The following ARAP2 variants were observed in gnomAD, a reference collection of about 807,000 sequenced individuals.
ARAP2 encodes arf-GAP with Rho-GAP domain, ANK repeat and PH domain-containing protein 2.
ARAP2 carries 148 observed loss-of-function variants against 194.5 expected under a neutral mutation model. The ratio of observed to expected loss-of-function variants is 0.76; its 90% CI spans 0.67 to 0.87. The LOEUF is 0.87. Among genes scored for constraint, ARAP2 ranks in the 40% least tolerant of loss-of-function variants. The pLI is 0.00. For missense variants in ARAP2, 2,128 were observed against 1,989.7 expected (o/e 1.07, Z -1.32); for synonymous variants, 695 against 683.5 (o/e 1.02, Z -0.26).
rs71201008 is a variant in ARAP2 at position 36,243,383 on chromosome 4, CAAAAAA to C, written c.-160+790_-160+795del. Among the ~76,000 whole-genome samples the C allele has an allele frequency of 3.5e-3, 301 of 85,092 alleles. 1 individual carries two copies. The highest frequency in any genetic ancestry group is 4.9e-3 in the Non-Finnish European group (218 of 44,572). The allele number at this position is 85,092 out of a possible 152,430, so 55.8% of individuals were successfully genotyped here. A position where few individuals can be genotyped will look rare whatever the true frequency, so the allele number is the denominator to read the frequency against. ...ACAGCCTACTTCAAGGACAAGCTTG[CAAAAAA>C]AAAAAAAAAAAAAAAAAGAATTTGC... On this transcript the variant is annotated intron_variant, in intron 1 of 32. Transcript: ENST00000303965.
chr4:36,136,551 C>G (rs1052975469), intron 19 of ARAP2, among the ~76,000 whole-genome samples: 1 of 151,596 alleles, frequency 6.6e-6, no homozygotes, highest in Non-Finnish European at 1.5e-5. Flanking sequence ...AATAATAGAT[C>G]AATAAACTTG....
intron 19 of ARAP2, among the ~76,000 whole-genome samples, chr4:36,146,630 T>C (rs1729682646): frequency 6.6e-6 from 1 of 152,090 alleles, no homozygotes; most frequent in South Asian, 2.1e-4. Context: ...TATGAAGCTC[T>C]TTCATTCAAG....
intron 15 of ARAP2, among the ~76,000 whole-genome samples, chr4:36,152,731 C>T (rs1419643890): frequency 6.6e-6 from 1 of 151,868 alleles, no homozygotes; most frequent in African/African-American, 2.4e-5. Flanking sequence ...ATTTAGGAGC[C>T]ATGTTTCTAA....
chr4:36,203,751 A>T (rs1467778673), intron 6 of ARAP2, among the ~76,000 whole-genome samples: 1 of 152,174 alleles, frequency 6.6e-6, no homozygotes, highest in Non-Finnish European at 1.5e-5. Flanking sequence ...AGCAAGGCCC[A>T]TCAGAGCCTA....
intron 6 of ARAP2, among the ~76,000 whole-genome samples, chr4:36,199,057 C>G (rs928803130): frequency 6.2e-4 from 95 of 152,344 alleles, no homozygotes; most frequent in African/African-American, 2.1e-3. Context: ...GAGCTCCCAC[C>G]TTACCAACTC....
intron 5 of ARAP2, among the ~76,000 whole-genome samples, chr4:36,044,127 G>A (rs1246275179): frequency 1.3e-5 from 2 of 152,042 alleles, no homozygotes; most frequent in South Asian, 2.1e-4. Flanking sequence ...GTAGTGTCCC[G>A]TTTACCAAGT....
chr4:36,073,608 GTAAT>G (rs1187171998), intron 32 of ARAP2, 77 bp downstream of exon 32: 2 of 1,469,356 alleles, frequency 1.4e-6, no homozygotes, highest in East Asian at 2.4e-5. Flanking sequence ...AGCCAATGAA[GTAAT>G]TAATGACCTA....
chr4:36,106,619 T>G (rs1718480905), intron 27 of ARAP2, among the ~76,000 whole-genome samples: 1 of 151,852 alleles, frequency 6.6e-6, no homozygotes, highest in South Asian at 2.1e-4. Flanking sequence ...CCTCCCCACC[T>G]TTTTTCACAT....
At chr4:36,148,278 T>C (rs1214299965) in intron 17 of ARAP2, 127 bp downstream of exon 17, 7 of 645,506 alleles carry the variant, frequency 1.1e-5, no homozygotes, top group Non-Finnish European at 1.8e-5. Context: ...TTTTTGAAAA[T>C]CTAATGAAGT....
At chr4:36,160,363 CAGAT>C (rs1376736250) in intron 13 of ARAP2, 92 bp downstream of exon 13, 2 of 1,278,618 alleles carry the variant, frequency 1.6e-6, no homozygotes, top group East Asian at 3.2e-5. Context: ...ATAATTTTGT[CAGAT>C]AGTATAAAAT....
intron 8 of ARAP2, among the ~76,000 whole-genome samples, chr4:36,013,323 A>G (rs1714895750): frequency 1.3e-5 from 2 of 152,194 alleles, no homozygotes; most frequent in Admixed American, 1.3e-4. Flanking sequence ...GAATAAGCTC[A>G]CAAAAGAATA....
intron 28 of ARAP2, among the ~76,000 whole-genome samples, chr4:36,087,644 C>T (rs1358478839): frequency 6.6e-6 from 1 of 152,084 alleles, no homozygotes; most frequent in Non-Finnish European, 1.5e-5. Flanking sequence ...GCATGAACAG[C>T]CTTCCCTGTG....
intron 9 of ARAP2, among the ~76,000 whole-genome samples, chr4:36,175,108 C>T (rs529437832): frequency 6.6e-6 from 1 of 152,134 alleles, no homozygotes; most frequent in Admixed American, 6.5e-5. Context: ...AAAAGTAAGC[C>T]TTGTTGCATG....
intron 25 of ARAP2, among the ~76,000 whole-genome samples, chr4:36,116,008 C>G (rs1197039358): frequency 6.6e-6 from 1 of 151,962 alleles, no homozygotes; most frequent in African/African-American, 2.4e-5. Context: ...TGAATACCTT[C>G]TCCAGCATTA....
At position 36,068,013 on chromosome 4, in the gene ARAP2, T is replaced by C; in HGVS notation, c.5009A>G (p.Asp1670Gly). The change falls in exon 33 of 33, where the codon GAC (aspartate) becomes GGC (glycine). Residue 1670 changes from aspartate (D) to glycine (G), a missense_variant. Coordinates refer to ENST00000303965, the MANE Select transcript of ARAP2 (RefSeq NM_015230.4). Reference protein sequence around the residue: ...TEDRNSKATLDSDHKLPSRVI... With the variant: ...TEDRNSKATLGSDHKLPSRVI... ...CCTTGATGGTAACTTATGATCAGAG[T>C]CCAAAGTAGCTTTGCTATTCCTGTC... 1 of 1,614,168 alleles carries C rather than the reference T, an allele frequency of 6.2e-7. No homozygotes were observed.
chr4:36,145,539 AG>A (rs1351817710), intron 19 of ARAP2, among the ~76,000 whole-genome samples: 3 of 151,898 alleles, frequency 2.0e-5, no homozygotes, highest in African/African-American at 7.2e-5. Flanking sequence ...TGGGGACCAA[AG>A]GGGGCAAGGG....
intron 9 of ARAP2, among the ~76,000 whole-genome samples, chr4:36,169,141 T>C (rs1735975392): frequency 6.6e-6 from 1 of 152,144 alleles, no homozygotes; most frequent in Admixed American, 6.5e-5. Context: ...TGGCTCACAT[T>C]GATACAGAAA....
rs1383037190 is a variant in ARAP2, at chr4:36,219,478, A to G, written c.906-4998T>C. On this transcript the variant is annotated intron_variant, in intron 2 of 32. Coordinates refer to ENST00000303965, the MANE Select transcript of ARAP2 (RefSeq NM_015230.4). ...ATAGGCAAAACTAACTAATAGTGAA[A>G]TCTACAGGTGCCTGATTCAGGAAGT... is the stretch of plus-strand genomic sequence containing the variant. Among the ~76,000 whole-genome samples, 4 of 152,330 alleles carry G rather than the reference A, an allele frequency of 2.6e-5. No homozygotes were observed. The East Asian group carries it at 7.7e-4, about 29-fold the overall frequency.
At chr4:36,210,110 G>A (rs140646556) in intron 6 of ARAP2, among the ~76,000 whole-genome samples, 2 of 152,184 alleles carry the variant, frequency 1.3e-5, no homozygotes, top group African/African-American at 4.8e-5. Context: ...ATTTTGATGC[G>A]AACTTAGAAG....
Sources: gnomAD v4.1 joint callset for allele counts (sites outside exome capture counted in the v4.1 genomes callset) on GRCh38, gnomAD v4.1.1 for gene constraint, MANE v1.5 for transcripts, NCBI Gene and HGNC (gene_info 2026-07-23, HGNC 2026-07-21) for gene names.